Variants in TMEM135 observed in about 807,000 individuals in gnomAD.
The protein encoded by TMEM135 is peroxisomal membrane protein 52.
TMEM135 carries 30 observed loss-of-function variants against 60.3 expected under a neutral mutation model. The ratio of observed to expected loss-of-function variants is 0.50; its 90% confidence interval spans 0.37 to 0.68. TMEM135 has a LOEUF of 0.68. Ranked by LOEUF, TMEM135 falls within the 30% of genes least tolerant of loss-of-function variation. The probability of loss-of-function intolerance (pLI) is 0.00; values close to 1 mark genes in which losing one functional copy is unlikely to be tolerated. For synonymous variants in TMEM135, 190 were observed against 186.7 expected (o/e 1.02, Z -0.14); for missense variants, 468 against 548.8 (o/e 0.85, Z 1.47).
At chr11:87,308,861 T>C (rs530685485) in intron 9 of TMEM135, among the ~76,000 whole-genome samples, 1 of 152,114 alleles carries the variant, frequency 6.6e-6, no homozygotes, top group African/African-American at 2.4e-5. Context: ...ACAGCAAATA[T>C]GGATTTGTAG....
intron 4 of TMEM135, among the ~76,000 whole-genome samples, chr11:87,109,078 A>C (rs547772585): frequency 6.6e-6 from 1 of 152,290 alleles, no homozygotes; most frequent in Non-Finnish European, 1.5e-5. Flanking sequence ...GAGAGTACAA[A>C]GGAACACAAG....
At chr11:87,040,342 G>A (rs1036971447) in intron 1 of TMEM135, among the ~76,000 whole-genome samples, 14 of 152,056 alleles carry the variant, frequency 9.2e-5, no homozygotes, top group Non-Finnish European at 1.5e-5. Flanking sequence ...GCAAGGTGGT[G>A]TGGTGGAAAG....
chr11:87,204,153 G>C (rs745901802), intron 5 of TMEM135, among the ~76,000 whole-genome samples: 3 of 148,594 alleles, frequency 2.0e-5, no homozygotes, highest in Non-Finnish European at 4.5e-5. Context: ...GTCACTCATT[G>C]ATTTTGTTTG....
At chr11:87,296,270 A>G (rs887576536) in intron 7 of TMEM135, among the ~76,000 whole-genome samples, 3 of 152,200 alleles carry the variant, frequency 2.0e-5, no homozygotes, top group Non-Finnish European at 4.4e-5. Flanking sequence ...TAGCATAGCA[A>G]TTGGCACATA....
chr11:87,210,378 A>G (rs1940336745), intron 5 of TMEM135, among the ~76,000 whole-genome samples: 1 of 152,202 alleles, frequency 6.6e-6, no homozygotes, highest in South Asian at 2.1e-4. Flanking sequence ...TCAGACTATT[A>G]CAGATACCTC....
At chr11:87,228,489 T>C (rs1341645904) in intron 5 of TMEM135, among the ~76,000 whole-genome samples, 3 of 152,154 alleles carry the variant, frequency 2.0e-5, no homozygotes, top group Non-Finnish European at 4.4e-5. Flanking sequence ...CGTATTGCTC[T>C]TCTTGAGAAG....
intron 4 of TMEM135, among the ~76,000 whole-genome samples, chr11:87,104,940 G>A (rs941621389): frequency 6.6e-5 from 10 of 152,132 alleles, no homozygotes; most frequent in African/African-American, 2.2e-4. Context: ...CTCTGGTTAG[G>A]GCTTCAAGTA....
chr11:87,047,310 G>C (rs919758131), intron 1 of TMEM135, among the ~76,000 whole-genome samples: 5 of 152,132 alleles, frequency 3.3e-5, no homozygotes, highest in African/African-American at 1.2e-4. Context: ...ATTTTGGGAG[G>C]AGCCAAGATG....
intron 5 of TMEM135, among the ~76,000 whole-genome samples, chr11:87,206,212 C>G (rs1342989614): frequency 2.6e-5 from 4 of 152,116 alleles, no homozygotes; most frequent in African/African-American, 9.7e-5. Context: ...TCAGAAACAG[C>G]ATCTGAGACT....
intron 5 of TMEM135, among the ~76,000 whole-genome samples, chr11:87,158,126 A>T (rs544366478): frequency 6.6e-6 from 1 of 152,122 alleles, no homozygotes; most frequent in Non-Finnish European, 1.5e-5. Flanking sequence ...GGGTCTTGCT[A>T]TGTTGCTTAG....
chr11:87,181,767 T>TA (rs986127838), intron 5 of TMEM135, among the ~76,000 whole-genome samples: 1 of 152,148 alleles, frequency 6.6e-6, no homozygotes, highest in East Asian at 1.9e-4. Context: ...ATTCTTAAGA[T>TA]AAAAAAAGTA....
intron 1 of TMEM135, among the ~76,000 whole-genome samples, chr11:87,060,262 C>A (rs1787388724): frequency 1.3e-5 from 2 of 152,148 alleles, no homozygotes; most frequent in African/African-American, 4.8e-5. Context: ...GTTTTTCCAT[C>A]TTCTTTCCTC....
chr11:87,224,765 T>G (rs1303155147), intron 5 of TMEM135, among the ~76,000 whole-genome samples: 1 of 151,818 alleles, frequency 6.6e-6, no homozygotes, highest in Non-Finnish European at 1.5e-5. Context: ...GTGAGTTTTT[T>G]TTTTTTTTTT....
chr11:87,271,900 C>T (rs745472645), intron 6 of TMEM135, among the ~76,000 whole-genome samples: 27 of 151,864 alleles, frequency 1.8e-4, no homozygotes, highest in South Asian at 1.0e-3. Flanking sequence ...CATGCCACTG[C>T]GCTTTAGTCT....
chr11:87,313,530 C>A lies in TMEM135; in HGVS notation c.1000+42C>A. The A allele has an allele frequency of 2.0e-6, 3 of 1,492,614 alleles. No individual in the cohort carries two copies. The South Asian group carries it at 3.4e-5, about 17-fold the overall frequency. The allele number at this position is 1,492,614 out of a possible 1,614,324, so 92.5% of individuals were successfully genotyped here. A position where few individuals can be genotyped will look rare whatever the true frequency, so the allele number is the denominator to read the frequency against. The stretch of plus-strand genomic sequence containing the variant: ...AATGAATGGTTATTATTGTATTAAT[C>A]AGTGGTAGGAATGAATTGGAAATAC... On this transcript the variant is annotated intron_variant, in intron 11 of 14. Coordinates refer to ENST00000305494, the MANE Select transcript of TMEM135 (RefSeq NM_022918.4).
chr11:87,116,650 CACACACAT>C (rs1434031143), intron 4 of TMEM135, among the ~76,000 whole-genome samples: 117 of 142,820 alleles, frequency 8.2e-4, no homozygotes, highest in Non-Finnish European at 1.0e-3. Context: ...CACACACAGA[CACACACAT>C]ACATATAGTA....
intron 4 of TMEM135, among the ~76,000 whole-genome samples, chr11:87,146,642 A>T (rs1011341754): frequency 6.6e-6 from 1 of 152,176 alleles, no homozygotes; most frequent in Non-Finnish European, 1.5e-5. Context: ...AAAAGTCAAA[A>T]TTAGTATTTG....
chr11:87,082,965 T>C (rs1414549534), intron 3 of TMEM135, among the ~76,000 whole-genome samples: 1 of 152,224 alleles, frequency 6.6e-6, no homozygotes, highest in Non-Finnish European at 1.5e-5. Context: ...TATGCACTTA[T>C]CTCTCTATCT....
intron 6 of TMEM135, among the ~76,000 whole-genome samples, chr11:87,249,272 C>T (rs570888301): frequency 6.6e-6 from 1 of 151,950 alleles, no homozygotes; most frequent in African/African-American, 2.4e-5. Flanking sequence ...TCCTTTGATA[C>T]CCAGGTTTTT....
Sources: allele counts gnomAD v4.1 joint callset (sites outside exome capture counted in the v4.1 genomes callset), GRCh38; gene constraint gnomAD v4.1.1; transcripts MANE v1.5; gene names NCBI Gene and HGNC (gene_info 2026-07-23, HGNC 2026-07-21).